EXOC6B: variants seen among roughly 807,000 people sequenced by gnomAD.
EXOC6B encodes the protein SEC15 homolog B.
Under a neutral mutation model 113.5 loss-of-function variants are expected in EXOC6B, and 54 were observed. That is an observed-to-expected ratio of 0.48 (90% confidence interval 0.38 to 0.60). The LOEUF (loss-of-function observed/expected upper bound fraction) is 0.60, where lower values mean the gene tolerates loss of function less well. Ranked by LOEUF, EXOC6B falls within the 20% of genes least tolerant of loss-of-function variation. EXOC6B has a pLI of 0.00. For missense variants in EXOC6B, 797 were observed against 977.5 expected, an observed-to-expected ratio of 0.82 and a Z score of 2.46; for synonymous variants, 357 against 339.0, an observed-to-expected ratio of 1.05 and a Z score of -0.58.
chr2:72,587,188 TA>T (rs566043912), intron 6 of EXOC6B, among the ~76,000 whole-genome samples: 8 of 148,538 alleles, frequency 5.4e-5, no homozygotes, highest in South Asian at 2.1e-4. Context: ...GTGGACTGGA[TA>T]AAAAAAAAAT....
At chr2:72,799,239 CAAAAAAAA>C (rs956224881) in intron 1 of EXOC6B, among the ~76,000 whole-genome samples, 13 of 41,336 alleles carry the variant, frequency 3.1e-4, no homozygotes, top group African/African-American at 1.3e-3. Context: ...GACCCTGTCT[CAAAAAAAA>C]AAAAAAAAAA....
At chr2:72,374,089 A>T (rs1288697433) in intron 19 of EXOC6B, among the ~76,000 whole-genome samples, 1 of 152,190 alleles carries the variant, frequency 6.6e-6, no homozygotes, top group African/African-American at 2.4e-5. Flanking sequence ...ATTTTTTTTT[A>T]AATCCACTAT....
intron 1 of EXOC6B, among the ~76,000 whole-genome samples, chr2:72,782,374 C>A (rs1042035781): frequency 6.6e-6 from 1 of 151,968 alleles, no homozygotes; most frequent in Non-Finnish European, 1.5e-5. Context: ...TTTACCTTTT[C>A]TTTTTTATTT....
chr2:72,358,293 T>A lies in EXOC6B; in HGVS notation c.2122+21436A>T, dbSNP rs144100792. ...CCCCTTCTCATAATAAATCTTAATA[T>A]CTTGGAACTAAATGGAAATTCAGAT... On this transcript the variant is annotated intron_variant, in intron 19 of 21. Coordinates refer to ENST00000272427, the MANE Select transcript of EXOC6B (RefSeq NM_015189.3). Among the ~76,000 whole-genome samples the A allele has an allele frequency of 6.9e-4, 105 of 152,228 alleles. 1 individual carries two copies. The highest frequency in any genetic ancestry group is 2.4e-3 in the African/African-American group (99 of 41,530).
intron 20 of EXOC6B, among the ~76,000 whole-genome samples, chr2:72,238,273 C>A (rs946132015): frequency 6.6e-6 from 1 of 152,104 alleles, no homozygotes; most frequent in Non-Finnish European, 1.5e-5. Context: ...AATAATATTT[C>A]ATTGTATGAA....
At chr2:72,247,952 A>G (rs1359419788) in intron 20 of EXOC6B, among the ~76,000 whole-genome samples, 2 of 152,196 alleles carry the variant, frequency 1.3e-5, no homozygotes, top group African/African-American at 2.4e-5. Flanking sequence ...AGATGCCTGG[A>G]AAATGGGAGA....
At chr2:72,812,163 A>T (rs1268733794) in intron 1 of EXOC6B, among the ~76,000 whole-genome samples, 1 of 152,258 alleles carries the variant, frequency 6.6e-6, no homozygotes, top group African/African-American at 2.4e-5. Context: ...TCCTAGACTA[A>T]CAAATGAGTC....
chr2:72,437,594 GC>G (rs1695954853), intron 18 of EXOC6B, among the ~76,000 whole-genome samples: 1 of 152,190 alleles, frequency 6.6e-6, no homozygotes, highest in African/African-American at 2.4e-5. Context: ...GAGACGCCCT[GC>G]CCAGAGAAGA....
chr2:72,817,301 A>T (rs1686304136), intron 1 of EXOC6B, among the ~76,000 whole-genome samples: 1 of 152,272 alleles, frequency 6.6e-6, no homozygotes, highest in Non-Finnish European at 1.5e-5. Context: ...ACTGATGAAG[A>T]GAAAGAAGAA....
At position 72,448,198 on chromosome 2, in the gene EXOC6B, T is replaced by C. The variant is rs556858769; in HGVS notation, c.1980+16962A>G. ...GAATAATTTCATTCCCCTGTTTCTT[T>C]ACATATACTATACCCTCTGCCTAGT... On this transcript the variant is annotated intron_variant, in intron 18 of 21. Transcript: ENST00000272427. Among the ~76,000 whole-genome samples the C allele has an allele frequency of 2.4e-4, 36 of 152,322 alleles. No individual in the cohort carries two copies. The South Asian group carries it at 7.5e-3, about 32-fold the overall frequency.
intron 20 of EXOC6B, among the ~76,000 whole-genome samples, chr2:72,292,795 C>A (rs1277295562): frequency 6.6e-6 from 1 of 152,114 alleles, no homozygotes; most frequent in African/African-American, 2.4e-5. Context: ...ATATAAAACC[C>A]TTTGAAATTC....
Position 72,501,648 on chromosome 2 carries a change from T to C in EXOC6B, c.1168-1676A>G, listed in dbSNP as rs1254184467. Among the ~76,000 whole-genome samples the C allele has an allele frequency of 2.0e-5, 3 of 151,674 alleles. No individual in the cohort carries two copies. The South Asian group carries it at 6.2e-4, about 32-fold the overall frequency. On this transcript the variant is annotated intron_variant, in intron 11 of 21. Coordinates refer to ENST00000272427, the MANE Select transcript of EXOC6B (RefSeq NM_015189.3). ...TCAGCTCTTTTTAATTATCTTTTCA[T>C]GGTTAATAAATTATATCCTTTTTGC...
chr2:72,823,466 A>C (rs1422885468), intron 1 of EXOC6B, among the ~76,000 whole-genome samples: 1 of 134,554 alleles, frequency 7.4e-6, no homozygotes, highest in African/African-American at 3.2e-5. Context: ...TAAGAAAAAA[A>C]AAAAAAAAAA....
At chr2:72,654,126 C>T (rs909289547) in intron 6 of EXOC6B, among the ~76,000 whole-genome samples, 1 of 152,034 alleles carries the variant, frequency 6.6e-6, no homozygotes, top group Non-Finnish European at 1.5e-5. Flanking sequence ...CCCACCATCG[C>T]GCCCGGCTAA....
chr2:72,277,189 C>T (rs1292315670), intron 20 of EXOC6B, among the ~76,000 whole-genome samples: 2 of 152,146 alleles, frequency 1.3e-5, no homozygotes, highest in Non-Finnish European at 1.5e-5. Flanking sequence ...CAGTGATTTA[C>T]ATTTTTTCAG....
Position 72,720,237 on chromosome 2 carries a change from C to CA in EXOC6B, c.465-1931dup, listed in dbSNP as rs1302326114. 4.6e-5 allele frequency among the ~76,000 whole-genome samples: 7 copies of CA among 151,472 alleles called. No homozygotes were observed. In the East Asian group the frequency reaches 7.8e-4, roughly 17 times the overall value. The stretch of plus-strand genomic sequence containing the variant: ...CAGTAAAGGAGCAACAAAAACAAAA[C>CA]AAAAAAAGACATGAAAAATAGAAAA... On this transcript the variant is annotated intron_variant, in intron 5 of 21. Transcript: ENST00000272427.
At chr2:72,185,277 G>A (rs950053024) in intron 20 of EXOC6B, among the ~76,000 whole-genome samples, 1 of 152,216 alleles carries the variant, frequency 6.6e-6, no homozygotes, top group Non-Finnish European at 1.5e-5. Flanking sequence ...CAAAGGCAGA[G>A]GGCCAAGAGT....
At chr2:72,267,652 G>T (rs1684218344) in intron 20 of EXOC6B, among the ~76,000 whole-genome samples, 1 of 152,158 alleles carries the variant, frequency 6.6e-6, no homozygotes, top group African/African-American at 2.4e-5. Context: ...GCTGGATTCG[G>T]TCTGCCAGTA....
chr2:72,308,075 T>C (rs898176057), intron 20 of EXOC6B, among the ~76,000 whole-genome samples: 5 of 152,208 alleles, frequency 3.3e-5, no homozygotes, highest in Non-Finnish European at 7.4e-5. Context: ...AAGCATTATA[T>C]AATTGAATAG....
Sources: gnomAD v4.1 joint callset for allele counts (sites outside exome capture counted in the v4.1 genomes callset) on GRCh38, gnomAD v4.1.1 for gene constraint, MANE v1.5 for transcripts, NCBI Gene and HGNC (gene_info 2026-07-23, HGNC 2026-07-21) for gene names.